ITPR1: variants seen among roughly 807,000 people sequenced by gnomAD.
The protein encoded by ITPR1 is inositol 1,4,5-trisphosphate-gated calcium channel ITPR1.
In ITPR1, 96 loss-of-function variants were observed where a neutral mutation model predicts 318.4. That is an observed-to-expected ratio of 0.30 (90% CI 0.26 to 0.36). ITPR1 has a LOEUF of 0.36. ITPR1 is among the 10% of genes least tolerant of loss of function. The pLI is 1.00. For synonymous variants in ITPR1, 1,312 were observed against 1,289.9 expected, an observed-to-expected ratio of 1.02 and a Z score of -0.37; for missense variants, 2,440 against 3,460.2, an observed-to-expected ratio of 0.71 and a Z score of 7.40.
At chr3:4,622,154 G>A (rs188051815) in intron 4 of ITPR1, among the ~76,000 whole-genome samples, 1,218 of 119,892 alleles carry the variant, frequency 0.01, 17 homozygotes, top group African/African-American at 0.037. Flanking sequence ...TTGTTCCGTT[G>A]CCCAGGCTGG....
Position 4,693,565 on chromosome 3 carries a change from C to G in ITPR1, c.4105C>G (p.Arg1369Gly), listed in dbSNP as rs61757109. The G allele has an allele frequency of 6.2e-7, 1 of 1,613,908 alleles. No homozygotes were observed. Among genetic ancestry groups the G allele is most frequent in the Non-Finnish European group, 8.5e-7 (1 of 1,179,844 alleles). The stretch of plus-strand genomic sequence containing the variant: ...TTTCCAGACTCTGATCCAGATGATG[C>G]GGTCAGAACGGGATCGGATGGATGA... ...ASFQTLIQMM[R>G]SERDRMDENS... The change falls in exon 33 of 62, where the codon CGG becomes GGG. Residue 1369 changes from arginine (R) to glycine (G), a missense_variant. Transcript: ENST00000649015.
At chr3:4,644,598 A>G (rs1379970499) in intron 8 of ITPR1, among the ~76,000 whole-genome samples, 1 of 152,190 alleles carries the variant, frequency 6.6e-6, no homozygotes, top group Non-Finnish European at 1.5e-5. Context: ...TTAACTGTTC[A>G]AAAAGGAACA....
intron 18 of ITPR1, among the ~76,000 whole-genome samples, chr3:4,668,808 C>G (rs1228069684): frequency 2.0e-5 from 3 of 151,952 alleles, no homozygotes; most frequent in Admixed American, 2.0e-4. Context: ...TTAAACACTC[C>G]CCTCCCTCAG....
chr3:4,660,324 A>T (rs1342307966), intron 13 of ITPR1, among the ~76,000 whole-genome samples: 3 of 151,494 alleles, frequency 2.0e-5, no homozygotes, highest in Admixed American at 6.6e-5. Context: ...TTTCTTATTG[A>T]TTTGTAACAG....
intron 42 of ITPR1, among the ~76,000 whole-genome samples, chr3:4,732,677 T>G (rs1295959551): frequency 6.6e-6 from 1 of 152,238 alleles, no homozygotes; most frequent in East Asian, 1.9e-4. Context: ...ATCTTAATAT[T>G]TTTTCGGACC....
At position 4,551,286 on chromosome 3, in the gene ITPR1, G is replaced by C. The variant is rs367821570; in HGVS notation, c.163+30192G>C. ...CAAAAATAATGGGAATGAAGAGATG[G>C]TGTTAGAATCATAGCAGTATCACCG... is the stretch of plus-strand genomic sequence containing the variant. On this transcript the variant is annotated intron_variant, in intron 4 of 61. Coordinates refer to ENST00000649015, the MANE Select transcript of ITPR1 (RefSeq NM_001378452.1). Among the ~76,000 whole-genome samples, 8 of 152,172 alleles carry C rather than the reference G, an allele frequency of 5.3e-5. No homozygotes were observed. In the South Asian group the frequency reaches 1.0e-3, roughly 20 times the overall value.
intron 10 of ITPR1, chr3:4,645,977 G>A: frequency 2.3e-6 from 1 of 436,802 alleles, no homozygotes; most frequent in Non-Finnish European, 4.1e-6. Context: ...AGTGCATCAT[G>A]GCATATCATG....
At chr3:4,533,366 G>T (rs1016671339) in intron 4 of ITPR1, among the ~76,000 whole-genome samples, 2 of 152,140 alleles carry the variant, frequency 1.3e-5, no homozygotes, top group African/African-American at 4.8e-5. Context: ...TCCCTGCCCT[G>T]CTCTTACTAG....
intron 52 of ITPR1, among the ~76,000 whole-genome samples, chr3:4,788,810 G>C (rs933550807): frequency 2.0e-5 from 3 of 152,182 alleles, no homozygotes; most frequent in Admixed American, 6.5e-5. Context: ...AACTTAAAAA[G>C]GATCGTGCTT....
chr3:4,829,945 T>C (rs914806728), intron 60 of ITPR1, among the ~76,000 whole-genome samples: 1 of 144,120 alleles, frequency 6.9e-6, no homozygotes, highest in Admixed American at 7.1e-5. Flanking sequence ...TTTTAAAACA[T>C]GTATAACAGT....
rs1457704087 is a variant in ITPR1, at chr3:4,813,020, T to G, written c.7469-122T>G. The G allele has an allele frequency of 9.9e-5, 74 of 749,412 alleles. No individual in the cohort carries two copies. In the East Asian group the frequency reaches 1.9e-3, roughly 19 times the overall value. The allele number at this position is 749,412 out of a possible 1,614,324, so 46.4% of individuals were successfully genotyped here. ...ATTGCATTTCTGCTTTGAATTTATA[T>G]GCAAGATTCTAGGGTGTTATTTATG... On this transcript the variant is annotated intron_variant, in intron 56 of 61. Coordinates refer to ENST00000649015, the MANE Select transcript of ITPR1 (RefSeq NM_001378452.1).
In ITPR1 at chr3:4,738,248, C is replaced by T. The variant is rs529430225; in HGVS notation, c.5544+2894C>T. On this transcript the variant is annotated intron_variant, in intron 44 of 61. Transcript: ENST00000649015. ...GAAAAAAAACAACAACTCAGTAAGC[C>T]ATATGCTTAAAATTAGTGTGCTTTA... 5.3e-5 allele frequency among the ~76,000 whole-genome samples: 8 copies of T among 152,220 alleles called. No homozygotes were observed. In the South Asian group the frequency reaches 1.7e-3, roughly 32 times the overall value.
intron 17 of ITPR1, among the ~76,000 whole-genome samples, chr3:4,667,018 C>T (rs2093963425): frequency 6.6e-6 from 1 of 152,170 alleles, no homozygotes; most frequent in Non-Finnish European, 1.5e-5. Flanking sequence ...TCACTGGGGG[C>T]ACAGTTAAGT....
At chr3:4,543,272 AAG>A (rs1454637741) in intron 4 of ITPR1, among the ~76,000 whole-genome samples, 53 of 151,824 alleles carry the variant, frequency 3.5e-4, no homozygotes, top group Non-Finnish European at 6.9e-4. Context: ...AAAAAAAAAA[AAG>A]AGAAAAAAAA....
At chr3:4,610,837 C>G (rs1441499760) in intron 4 of ITPR1, among the ~76,000 whole-genome samples, 2 of 150,148 alleles carry the variant, frequency 1.3e-5, no homozygotes, top group East Asian at 4.2e-4. Context: ...TTTTCCTTCC[C>G]TTTCTCTTTC....
intron 5 of ITPR1, among the ~76,000 whole-genome samples, chr3:4,637,318 G>A (rs1421496895): frequency 6.6e-6 from 1 of 152,216 alleles, no homozygotes; most frequent in African/African-American, 2.4e-5. Context: ...ATTCCAAATG[G>A]ATGCAGTCCA....
intron 60 of ITPR1, among the ~76,000 whole-genome samples, chr3:4,829,562 A>G (rs769030779): frequency 7.9e-5 from 12 of 152,268 alleles, no homozygotes; most frequent in Non-Finnish European, 1.5e-4. Flanking sequence ...TGAAGTTTAC[A>G]GAAAAATGGG....
chr3:4,596,028 G>A (rs541134627), intron 4 of ITPR1: 2 of 152,302 alleles, frequency 1.3e-5, no homozygotes, highest in East Asian at 3.9e-4. Context: ...CTGATTTATT[G>A]CAGGGGGTGG....
intron 54 of ITPR1, 64 bp downstream of exon 54, chr3:4,800,664 T>C (rs774518805): frequency 4.0e-6 from 6 of 1,509,800 alleles, no homozygotes; most frequent in Non-Finnish European, 5.5e-6. Flanking sequence ...CCTTGCACTC[T>C]GGTTTCTAGA....
Sources: allele counts gnomAD v4.1 joint callset (sites outside exome capture counted in the v4.1 genomes callset), GRCh38; gene constraint gnomAD v4.1.1; transcripts MANE v1.5; gene names NCBI Gene and HGNC (gene_info 2026-07-23, HGNC 2026-07-21).